The following EYS variants were observed in gnomAD, a reference collection of about 807,000 sequenced individuals.
EYS encodes EGF-like photoreceptor maintenance factor, also known as protein eyes shut homolog.
EYS carries 250 observed loss-of-function variants against 282.1 expected under a neutral mutation model. That is an observed-to-expected ratio of 0.89 (90% CI 0.80 to 0.98). The LOEUF (loss-of-function observed/expected upper bound fraction) is 0.98, where lower values mean the gene tolerates loss of function less well. EYS is among the 50% of genes least tolerant of loss of function. The pLI, the probability that EYS is intolerant of heterozygous loss-of-function variation, is 0.00. For missense variants in EYS, 4,016 were observed against 3,709.0 expected (o/e 1.08, Z -2.15); for synonymous variants, 1,355 against 1,282.9 (o/e 1.06, Z -1.20).
chr6:65,205,119 A>G (rs925266412), intron 12 of EYS, among the ~76,000 whole-genome samples: 1 of 147,982 alleles, frequency 6.8e-6, no homozygotes, highest in Non-Finnish European at 1.5e-5. Context: ...ATATATATAT[A>G]TATCTATCTC....
At chr6:64,713,141 G>A (rs9345410) in intron 22 of EYS, 1 of 152,124 alleles carries the variant, frequency 6.6e-6, no homozygotes, top group African/African-American at 2.4e-5. Context: ...GTCCTAAAAT[G>A]CCAGTGTTAT....
intron 12 of EYS, among the ~76,000 whole-genome samples, chr6:65,121,294 G>A (rs1280478042): frequency 2.0e-5 from 3 of 152,124 alleles, no homozygotes; most frequent in Admixed American, 6.5e-5. Flanking sequence ...TAGAGATGGG[G>A]ATGAAACTTA....
chr6:65,175,254 A>T (rs1236865669), intron 12 of EYS, among the ~76,000 whole-genome samples: 1 of 151,388 alleles, frequency 6.6e-6, no homozygotes, highest in African/African-American at 2.4e-5. Flanking sequence ...AAGCATTGAT[A>T]GAATGTTCAA....
intron 5 of EYS, among the ~76,000 whole-genome samples, chr6:65,480,942 G>A (rs913751582): frequency 1.3e-5 from 2 of 152,154 alleles, no homozygotes; most frequent in South Asian, 2.1e-4. Context: ...AGAATTGTGA[G>A]TATTAGATGC....
At chr6:64,854,294 T>C (rs535985848) in intron 19 of EYS, among the ~76,000 whole-genome samples, 108 of 152,194 alleles carry the variant, frequency 7.1e-4, no homozygotes, top group Admixed American at 1.2e-3. Flanking sequence ...TAAAGACACA[T>C]GCACATGTAT....
In EYS at chr6:65,447,345, T is replaced by TAA. The variant is rs1554197742; in HGVS notation, c.863-41980_863-41979dup. Reference sequence around the variant, plus strand: ...ATATATGTGTGTGTATATATATATATAAATATATGTATATAGTTATATATA... The same window carrying TAA: ...ATATATGTGTGTGTATATATATATATAAAAATATATGTATATAGTTATATATA... On this transcript the variant is annotated intron_variant, in intron 5 of 42. Coordinates refer to ENST00000503581, the MANE Select transcript of EYS (RefSeq NM_001142800.2). 7.4e-4 allele frequency among the ~76,000 whole-genome samples: 105 copies of TAA among 141,554 alleles called. 1 individual carries two copies. Among genetic ancestry groups the TAA allele is most frequent in the African/African-American group, 2.5e-3 (99 of 40,292 alleles). The allele number at this position is 141,554 out of a possible 152,430, so 92.9% of individuals were successfully genotyped here. A position where few individuals can be genotyped will look rare whatever the true frequency, so the allele number is the denominator to read the frequency against.
chr6:64,813,378 C>T lies in EYS; in HGVS notation c.3443G>A (p.Arg1148Lys), dbSNP rs1334016191. The T allele has an allele frequency of 3.3e-6, 5 of 1,538,120 alleles. No homozygotes were observed. The Admixed American group carries it at 1.0e-4, about 31-fold the overall frequency. Residue 1148 changes from arginine (R) to lysine (K), a missense_variant and splice_region_variant, in exon 22 of 43, where the codon AGA becomes AAA. Transcript: ENST00000503581. ...TACTTGTGGGTAAATAAATACTGACCTGCAGTCAAAAGTATGTCCAGGCCC... is the reference window on the plus strand; with the variant it reads ...TACTTGTGGGTAAATAAATACTGACTTGCAGTCAAAAGTATGTCCAGGCCC... ...VDGPGHTFDC[R>K]CLPGFSGQFC... is the part of the protein sequence containing the mutation.
intron 5 of EYS, among the ~76,000 whole-genome samples, chr6:65,407,672 A>C (rs1766809609): frequency 6.6e-6 from 1 of 150,888 alleles, no homozygotes; most frequent in African/African-American, 2.4e-5. Context: ...ATTCCTTAGG[A>C]TTTTCTACAT....
intron 12 of EYS, among the ~76,000 whole-genome samples, chr6:65,241,210 T>C (rs915491674): frequency 6.6e-6 from 1 of 152,160 alleles, no homozygotes; most frequent in Admixed American, 6.6e-5. Flanking sequence ...ATGTTAAAAG[T>C]AAAATCACGA....
intron 1 of EYS, among the ~76,000 whole-genome samples, chr6:65,648,314 A>ATGTGTG (rs58196369): frequency 1.1e-3 from 167 of 147,886 alleles, no homozygotes; most frequent in East Asian, 2.5e-3. Flanking sequence ...AAGAAAATAT[A>ATGTGTG]TGTGTGTGTG....
chr6:64,228,919 G>A (rs1347645858), intron 31 of EYS, among the ~76,000 whole-genome samples: 1 of 152,106 alleles, frequency 6.6e-6, no homozygotes, highest in Admixed American at 6.6e-5. Context: ...AGAAATGATG[G>A]CTTAGAGGGT....
At chr6:64,867,071 A>C (rs1766445227) in intron 19 of EYS, among the ~76,000 whole-genome samples, 1 of 151,868 alleles carries the variant, frequency 6.6e-6, no homozygotes, top group African/African-American at 2.4e-5. Flanking sequence ...ATGCATAAAT[A>C]AATTTAGAAC....
chr6:64,634,714 A>G (rs936189519), intron 22 of EYS, among the ~76,000 whole-genome samples: 2 of 152,222 alleles, frequency 1.3e-5, no homozygotes, highest in African/African-American at 4.8e-5. Context: ...ATATGTCAAA[A>G]AACATCTAAG....
intron 22 of EYS, among the ~76,000 whole-genome samples, chr6:64,696,662 G>T (rs1281114372): frequency 6.6e-6 from 1 of 152,104 alleles, no homozygotes; most frequent in Non-Finnish European, 1.5e-5. Flanking sequence ...AGACTCTTCA[G>T]CAGAAGCCAT....
intron 1 of EYS, among the ~76,000 whole-genome samples, chr6:65,704,821 G>A (rs1769818352): frequency 6.6e-6 from 1 of 152,144 alleles, no homozygotes; most frequent in African/African-American, 2.4e-5. Context: ...CACTCTCTGA[G>A]TTCTCTTGGG....
At chr6:64,657,739 G>T (rs751458093) in intron 22 of EYS, among the ~76,000 whole-genome samples, 1 of 152,116 alleles carries the variant, frequency 6.6e-6, no homozygotes, top group Non-Finnish European at 1.5e-5. Flanking sequence ...TAGTCTGATG[G>T]GCTTCCCCTT....
intron 29 of EYS, among the ~76,000 whole-genome samples, chr6:64,319,009 C>T (rs1561927125): frequency 6.6e-6 from 1 of 151,832 alleles, no homozygotes; most frequent in East Asian, 1.9e-4. Flanking sequence ...AGATCTTATT[C>T]ATTGTATCTA....
At chr6:65,249,963 G>A (rs967632111) in intron 12 of EYS, among the ~76,000 whole-genome samples, 1 of 152,068 alleles carries the variant, frequency 6.6e-6, no homozygotes, top group Non-Finnish European at 1.5e-5. Context: ...TATACCAGAA[G>A]ATTGTGCAGA....
At chr6:65,045,629 C>T (rs115733082) in intron 13 of EYS, among the ~76,000 whole-genome samples, 17 of 151,906 alleles carry the variant, frequency 1.1e-4, no homozygotes, top group African/African-American at 4.1e-4. Flanking sequence ...TGAGCTGGTA[C>T]CAGACACCAA....
Sources: allele counts gnomAD v4.1 joint callset (sites outside exome capture counted in the v4.1 genomes callset), GRCh38; gene constraint gnomAD v4.1.1; transcripts MANE v1.5; gene names NCBI Gene and HGNC (gene_info 2026-07-23, HGNC 2026-07-21).